PDLIM5: variants seen among roughly 807,000 people sequenced by gnomAD.
PDLIM5 encodes PDZ and LIM domain protein 5.
Under a neutral mutation model 64.2 loss-of-function variants are expected in PDLIM5, and 34 were observed. The ratio of observed to expected loss-of-function variants is 0.53; its 90% confidence interval spans 0.40 to 0.71. PDLIM5 has a LOEUF of 0.71. PDLIM5 is among the 30% of genes least tolerant of loss of function. PDLIM5 has a pLI of 0.00. For missense variants in PDLIM5, 683 were observed against 733.6 expected (o/e 0.93, Z 0.80); for synonymous variants, 253 against 269.1 (o/e 0.94, Z 0.59).
intron 2 of PDLIM5, among the ~76,000 whole-genome samples, chr4:94,462,486 T>G (rs1461064829): frequency 6.6e-6 from 1 of 152,046 alleles, no homozygotes; most frequent in Non-Finnish European, 1.5e-5. Context: ...TCAGTTCCTA[T>G]TGATAGACAA....
At chr4:94,566,196 T>G (rs2110256394) in intron 3 of PDLIM5, among the ~76,000 whole-genome samples, 1 of 152,324 alleles carries the variant, frequency 6.6e-6, no homozygotes, top group South Asian at 2.1e-4. Context: ...TCTGCCACTT[T>G]CAAATTTAAG....
At chr4:94,599,389 T>A (rs957157622) in intron 7 of PDLIM5, among the ~76,000 whole-genome samples, 1 of 152,076 alleles carries the variant, frequency 6.6e-6, no homozygotes, top group Admixed American at 6.5e-5. Flanking sequence ...TTAGTTCAGT[T>A]GATAAGAGCT....
chr4:94,657,499 C>T lies in PDLIM5; in HGVS notation c.1537C>T (p.Arg513Trp), dbSNP rs148939806. 6,966 of 1,609,350 alleles carry T rather than the reference C, an allele frequency of 4.3e-3. 23 individuals are homozygous for T. The highest frequency in any genetic ancestry group is 5.6e-3 in the Non-Finnish European group (6,562 of 1,175,806). The change falls in exon 11 of 13, where the codon CGG becomes TGG. Residue 513 changes from arginine (R) to tryptophan (W), a missense_variant. Physicochemically the swap from Arg to Trp is moderately radical, Grantham distance 101. Transcript: ENST00000317968. ...GTGTGTAGCCTGTGGAAAGCCCATT[C>T]GGAACAATGTTTTTCACTTGGAGGA... ...FVCVACGKPI[R>W]NNVFHLEDGE...
At chr4:94,624,126 A>G (rs1489196511) in intron 8 of PDLIM5, among the ~76,000 whole-genome samples, 5 of 151,682 alleles carry the variant, frequency 3.3e-5, no homozygotes, top group African/African-American at 4.8e-5. Flanking sequence ...CCTGGGCAAC[A>G]TAGCGGGACC....
chr4:94,528,334 G>A (rs1318151975), intron 3 of PDLIM5, among the ~76,000 whole-genome samples: 2 of 151,992 alleles, frequency 1.3e-5, no homozygotes, highest in Non-Finnish European at 2.9e-5. Flanking sequence ...TCAGTTCAGC[G>A]TTTAATTATA....
chr4:94,662,880 G>A (rs561905783), intron 12 of PDLIM5, among the ~76,000 whole-genome samples: 2 of 150,734 alleles, frequency 1.3e-5, no homozygotes, highest in East Asian at 3.9e-4. Context: ...GAAACGTTAG[G>A]TACTTCTTAA....
At chr4:94,659,537 T>C (rs1259523644) in intron 11 of PDLIM5, among the ~76,000 whole-genome samples, 1 of 149,184 alleles carries the variant, frequency 6.7e-6, no homozygotes, top group Non-Finnish European at 1.5e-5. Flanking sequence ...TGTGTGTGTG[T>C]GTATTGTTTA....
rs17021609 is a variant in PDLIM5 at position 94,488,566 on chromosome 4, G to A, written c.96+33182G>A. On this transcript the variant is annotated intron_variant, in intron 2 of 12. Transcript: ENST00000317968. ...ATACCTTTGTGTTTAAATGCATACC[G>A]TAAGTAGCCATGGAACAAACATCTT... Among the ~76,000 whole-genome samples the A allele has an allele frequency of 6.6e-3, 998 of 152,156 alleles. 16 individuals carry two copies. Among genetic ancestry groups the A allele is most frequent in the African/African-American group, 0.023 (941 of 41,482 alleles).
chr4:94,579,471 A>T (rs773545662), intron 5 of PDLIM5: 4 of 844,714 alleles, frequency 4.7e-6, no homozygotes, highest in South Asian at 2.3e-5. Flanking sequence ...TTGGAAGATT[A>T]AAAAAAAATG....
intron 7 of PDLIM5, chr4:94,610,394 A>T (rs1738275932): frequency 3.0e-6 from 2 of 668,860 alleles, no homozygotes; most frequent in Non-Finnish European, 2.3e-6. Flanking sequence ...GCCCCTTTGA[A>T]GCAATCATAG....
rs533461917 is a variant in PDLIM5 at position 94,479,914 on chromosome 4, C to T, written c.96+24530C>T. Among the ~76,000 whole-genome samples the T allele has an allele frequency of 1.2e-4, 19 of 152,210 alleles. No individual in the cohort carries two copies. The South Asian group carries it at 3.7e-3, about 30-fold the overall frequency. On this transcript the variant is annotated intron_variant, in intron 2 of 12. Coordinates refer to ENST00000317968, the MANE Select transcript of PDLIM5 (RefSeq NM_006457.5). The stretch of plus-strand genomic sequence containing the variant: ...TTTCAAGGTTCTGTGTAACATTTTC[C>T]ACTGCCTTTCACCAGCTTTCAATTA...
At position 94,601,567 on chromosome 4, in the gene PDLIM5, C is replaced by G. The variant is rs867916438; in HGVS notation, c.920+15123C>G. Among the ~76,000 whole-genome samples, 14 of 152,110 alleles carry G rather than the reference C, an allele frequency of 9.2e-5. 1 individual carries two copies. Among genetic ancestry groups the G allele is most frequent in the Admixed American group, 7.2e-4 (11 of 15,282 alleles). On this transcript the variant is annotated intron_variant, in intron 7 of 12. Coordinates refer to ENST00000317968, the MANE Select transcript of PDLIM5 (RefSeq NM_006457.5). ...TTCTTTGAGTTAGTCCTTCTTTGCTCTTACAAAAAATCAACCTCATTTTGG... is the reference window on the plus strand; with the variant it reads ...TTCTTTGAGTTAGTCCTTCTTTGCTGTTACAAAAAATCAACCTCATTTTGG...
intron 3 of PDLIM5, among the ~76,000 whole-genome samples, chr4:94,530,510 AATATATATATATAT>A (rs36209951): frequency 0.25 from 34,553 of 140,356 alleles, 4,445 homozygotes; most frequent in East Asian, 0.37. Context: ...GGAATCACAG[AATATATATATATAT>A]ATATATATAT....
At chr4:94,516,534 T>C (rs1164443273) in intron 2 of PDLIM5, among the ~76,000 whole-genome samples, 1 of 150,916 alleles carries the variant, frequency 6.6e-6, no homozygotes, top group East Asian at 2.0e-4. Context: ...CTCTCTCTCT[T>C]TTTTAGTTGG....
At chr4:94,488,375 G>A (rs948878034) in intron 2 of PDLIM5, among the ~76,000 whole-genome samples, 13 of 152,030 alleles carry the variant, frequency 8.6e-5, no homozygotes, top group African/African-American at 2.9e-4. Flanking sequence ...CCATTTTATT[G>A]GGAAAATCTT....
intron 7 of PDLIM5, among the ~76,000 whole-genome samples, chr4:94,591,953 C>T (rs1227097985): frequency 6.6e-6 from 1 of 152,226 alleles, no homozygotes; most frequent in Non-Finnish European, 1.5e-5. Flanking sequence ...TTGCCTTGGT[C>T]ACTTCTCATC....
chr4:94,515,131 C>G (rs768641857), intron 2 of PDLIM5, among the ~76,000 whole-genome samples: 5 of 151,902 alleles, frequency 3.3e-5, no homozygotes, highest in Non-Finnish European at 7.4e-5. Flanking sequence ...GTATGATAGC[C>G]CTAAATAGAA....
At chr4:94,636,827 G>T (rs1214415354) in intron 8 of PDLIM5, among the ~76,000 whole-genome samples, 1 of 152,112 alleles carries the variant, frequency 6.6e-6, no homozygotes, top group African/African-American at 2.4e-5. Flanking sequence ...GAGCCACCGC[G>T]CCGGGCCACT....
intron 8 of PDLIM5, among the ~76,000 whole-genome samples, chr4:94,625,633 T>C (rs1223276565): frequency 5.3e-5 from 8 of 152,096 alleles, no homozygotes; most frequent in Admixed American, 3.9e-4. Flanking sequence ...TTTTGTATTT[T>C]TAGTAGAGAC....
Sources: gnomAD v4.1 joint callset for allele counts (sites outside exome capture counted in the v4.1 genomes callset) on GRCh38, gnomAD v4.1.1 for gene constraint, MANE v1.5 for transcripts, NCBI Gene and HGNC (gene_info 2026-07-23, HGNC 2026-07-21) for gene names.